The following FSTL4 variants were observed in gnomAD, a reference collection of about 807,000 sequenced individuals.
FSTL4 encodes follistatin like 4.
FSTL4 carries 28 observed loss-of-function variants against 78.2 expected under a neutral mutation model. That is an observed-to-expected ratio of 0.36 (90% CI 0.27 to 0.49). The LOEUF is 0.49. FSTL4 is among the 20% of genes least tolerant of loss of function. The pLI is 0.98. For synonymous variants in FSTL4, 422 were observed against 440.5 expected, an observed-to-expected ratio of 0.96 and a Z score of 0.53; for missense variants, 922 against 1,084.9, an observed-to-expected ratio of 0.85 and a Z score of 2.11.
At chr5:133,265,509 C>G (rs1752623276) in intron 6 of FSTL4, among the ~76,000 whole-genome samples, 1 of 152,244 alleles carries the variant, frequency 6.6e-6, no homozygotes, top group African/African-American at 2.4e-5. Flanking sequence ...AGTAAGGATG[C>G]CTGTCTGGGG....
chr5:133,496,175 A>C (rs1266519565), intron 3 of FSTL4, among the ~76,000 whole-genome samples: 1 of 152,184 alleles, frequency 6.6e-6, no homozygotes, highest in Non-Finnish European at 1.5e-5. Context: ...GCCCACCTAC[A>C]CCCAATTCCT....
At chr5:133,227,320 G>A (rs973495658) in intron 8 of FSTL4, among the ~76,000 whole-genome samples, 6 of 152,160 alleles carry the variant, frequency 3.9e-5, no homozygotes, top group Non-Finnish European at 7.4e-5. Flanking sequence ...GAGCTCCAGC[G>A]GAGGCATGTC....
chr5:133,368,242 C>CCATG (rs1755218802), intron 4 of FSTL4, among the ~76,000 whole-genome samples: 1 of 152,252 alleles, frequency 6.6e-6, no homozygotes, highest in Non-Finnish European at 1.5e-5. Flanking sequence ...CTACGGTCAG[C>CCATG]CATGCAGCCA....
At chr5:133,767,634 G>A in the FSTL4 span, among the ~76,000 whole-genome samples, 1 of 152,172 alleles carries the variant, frequency 6.6e-6, no homozygotes, top group Non-Finnish European at 1.5e-5. Context: ...TGAGCTCAGA[G>A]CTTCATGGAA....
intron 6 of FSTL4, among the ~76,000 whole-genome samples, chr5:133,272,422 G>A (rs543143322): frequency 1.3e-3 from 199 of 152,302 alleles, no homozygotes; most frequent in African/African-American, 3.8e-3. Context: ...GAGGAGGCAC[G>A]CGCGTGCAGC....
At chr5:133,772,477 T>A in the FSTL4 span, among the ~76,000 whole-genome samples, 1 of 152,238 alleles carries the variant, frequency 6.6e-6, no homozygotes, top group Non-Finnish European at 1.5e-5. Context: ...AGTCTCCAAC[T>A]GTCTTAGTCC....
chr5:133,641,250 CAAA>C, the FSTL4 span, among the ~76,000 whole-genome samples: 271 of 128,670 alleles, frequency 2.1e-3, 2 homozygotes, highest in Middle Eastern at 7.8e-3. Flanking sequence ...CAAAACAAAA[CAAA>C]ACACACACAC....
At chr5:133,290,672 C>T (rs1237582003) in intron 6 of FSTL4, among the ~76,000 whole-genome samples, 2 of 152,326 alleles carry the variant, frequency 1.3e-5, no homozygotes, top group South Asian at 2.1e-4. Flanking sequence ...CAGAGGGTGG[C>T]ATGTGGCCTC....
chr5:133,687,340 T>G, the FSTL4 span, among the ~76,000 whole-genome samples: 26 of 152,212 alleles, frequency 1.7e-4, 1 homozygote, highest in South Asian at 1.9e-3. Context: ...CCTTATGTCT[T>G]TTAATTCAAC....
At chr5:133,802,492 G>A in the FSTL4 span, among the ~76,000 whole-genome samples, 12 of 152,192 alleles carry the variant, frequency 7.9e-5, no homozygotes, top group African/African-American at 2.9e-4. Flanking sequence ...GCTCCAGGGA[G>A]GAGTCCAGCC....
chr5:133,328,063 T>C (rs545169692), intron 4 of FSTL4, among the ~76,000 whole-genome samples: 2 of 152,366 alleles, frequency 1.3e-5, no homozygotes, highest in Non-Finnish European at 2.9e-5. Context: ...CAAGGCTCAC[T>C]TTGGAACCAC....
At chr5:133,740,819 G>A in the FSTL4 span, among the ~76,000 whole-genome samples, 1 of 152,102 alleles carries the variant, frequency 6.6e-6, no homozygotes, top group Non-Finnish European at 1.5e-5. Context: ...TGGAAGCAAC[G>A]GCATCCACCC....
At chr5:133,572,105 T>C (rs1580797183) in intron 2 of FSTL4, among the ~76,000 whole-genome samples, 4 of 151,926 alleles carry the variant, frequency 2.6e-5, no homozygotes, top group African/African-American at 9.7e-5. Flanking sequence ...CTCAGTAAAA[T>C]AGTTGAATAT....
the FSTL4 span, among the ~76,000 whole-genome samples, chr5:133,836,591 A>G: frequency 1.3e-5 from 2 of 150,186 alleles, no homozygotes; most frequent in African/African-American, 4.9e-5. Flanking sequence ...TCATTCCTCA[A>G]TTTCCATGTT....
the FSTL4 span, among the ~76,000 whole-genome samples, chr5:133,689,527 C>T: frequency 1.3e-5 from 2 of 152,146 alleles, no homozygotes; most frequent in South Asian, 4.1e-4. Flanking sequence ...TTTATTTGGT[C>T]TACAGATAGT....
the FSTL4 span, among the ~76,000 whole-genome samples, chr5:133,792,733 C>T: frequency 2.8e-4 from 42 of 152,162 alleles, 1 homozygote; most frequent in Admixed American, 6.5e-5. Flanking sequence ...CATGGAAAGT[C>T]GAAGGAGAGG....
the FSTL4 span, among the ~76,000 whole-genome samples, chr5:133,625,807 T>TATATATATTCC: frequency 5.4e-5 from 3 of 55,604 alleles, no homozygotes; most frequent in Admixed American, 2.2e-4. Flanking sequence ...ATATTCCATA[T>TATATATATTCC]ATATATATTC....
the FSTL4 span, among the ~76,000 whole-genome samples, chr5:133,772,404 GTT>G: frequency 6.6e-6 from 1 of 152,164 alleles, no homozygotes; most frequent in Non-Finnish European, 1.5e-5. Flanking sequence ...CATGAAAGTA[GTT>G]TTTGTCCATT....
chr5:133,603,232 T>C, intron 2 of FSTL4, among the ~76,000 whole-genome samples: 1 of 152,204 alleles, frequency 6.6e-6, no homozygotes, highest in East Asian at 1.9e-4. Context: ...TTGCAGTTTA[T>C]GGATCCTCTT....
Sources: gnomAD v4.1 joint callset for allele counts (sites outside exome capture counted in the v4.1 genomes callset) on GRCh38, gnomAD v4.1.1 for gene constraint, MANE v1.5 for transcripts, NCBI Gene and HGNC (gene_info 2026-07-23, HGNC 2026-07-21) for gene names.